Variants in NELL1 observed in about 807,000 individuals in gnomAD.
NELL1 encodes protein kinase C-binding protein NELL1.
Under a neutral mutation model 107.4 loss-of-function variants are expected in NELL1, and 76 were observed. That is an observed-to-expected ratio of 0.71 (90% confidence interval 0.59 to 0.86). The LOEUF is 0.86. Among genes scored for constraint, NELL1 ranks in the 40% least tolerant of loss-of-function variants. The pLI is 0.00. For missense variants in NELL1, 1,024 were observed against 1,005.5 expected, an observed-to-expected ratio of 1.02 and a Z score of -0.25; for synonymous variants, 353 against 341.2, an observed-to-expected ratio of 1.03 and a Z score of -0.38.
intron 15 of NELL1, among the ~76,000 whole-genome samples, chr11:21,439,792 G>A (rs550358272): frequency 6.6e-6 from 1 of 152,102 alleles, no homozygotes; most frequent in East Asian, 1.9e-4. Context: ...AATTTTACTA[G>A]ATCTTATCTT....
chr11:20,679,084 T>C (rs1168791123), intron 2 of NELL1, among the ~76,000 whole-genome samples: 3 of 152,192 alleles, frequency 2.0e-5, no homozygotes, highest in Non-Finnish European at 4.4e-5. Context: ...CTAGGTTACA[T>C]GGGACCCTGT....
chr11:21,470,588 A>C (rs1013910774), intron 15 of NELL1, among the ~76,000 whole-genome samples: 1 of 152,098 alleles, frequency 6.6e-6, no homozygotes, highest in Non-Finnish European at 1.5e-5. Context: ...CTGTATGTTC[A>C]CTTGGTAGTC....
intron 12 of NELL1, among the ~76,000 whole-genome samples, chr11:21,029,517 TCA>T (rs1367066321): frequency 1.3e-5 from 2 of 152,120 alleles, no homozygotes; most frequent in Non-Finnish European, 2.9e-5. Flanking sequence ...ATCACTGTGA[TCA>T]CACAAATGCA....
chr11:21,124,546 T>G (rs1174503568), intron 13 of NELL1, among the ~76,000 whole-genome samples: 1 of 151,748 alleles, frequency 6.6e-6, no homozygotes, highest in African/African-American at 2.4e-5. Context: ...GCTAAGAATT[T>G]CAAGATCAAG....
At chr11:20,901,541 T>C (rs1169101079) in intron 5 of NELL1, among the ~76,000 whole-genome samples, 1 of 140,670 alleles carries the variant, frequency 7.1e-6, no homozygotes, top group Non-Finnish European at 1.5e-5. Context: ...TCAATGAACT[T>C]GTAATCAGTT....
intron 2 of NELL1, chr11:20,769,381 G>A (rs1006665339): frequency 6.6e-6 from 1 of 152,264 alleles, no homozygotes; most frequent in African/African-American, 2.4e-5. Context: ...GACTGTTTGG[G>A]AAGTTACCAA....
In NELL1 at chr11:20,669,587, C is replaced by T. The variant is rs1280081452; in HGVS notation, c.-137C>T. On this transcript the variant is annotated 5_prime_UTR_variant, in exon 1 of 20. Transcript: ENST00000357134. The surrounding 1 kb of genome is among the most constrained non-coding windows in gnomAD (Gnocchi z 4.4). ...CCCGGGCGCATATGCGAGCGCAGCA[C>T]CCGGCGCTGCCGAGCCACCTCCCCC... 8 of 638,338 alleles carry T rather than the reference C, an allele frequency of 1.3e-5. No homozygotes were observed. Among genetic ancestry groups the T allele is most frequent in the Non-Finnish European group, 1.9e-5 (7 of 365,956 alleles). 39.5% of individuals were successfully genotyped at this position (638,338 alleles called of 1,614,324 possible).
chr11:21,156,844 G>C (rs191683468), intron 13 of NELL1, among the ~76,000 whole-genome samples: 305 of 151,796 alleles, frequency 2.0e-3, no homozygotes, highest in African/African-American at 7.1e-3. Flanking sequence ...TGTAACCCCA[G>C]CACTTTGAGA....
At chr11:20,781,244 T>C (rs984230208) in intron 2 of NELL1, among the ~76,000 whole-genome samples, 18 of 152,152 alleles carry the variant, frequency 1.2e-4, no homozygotes, top group African/African-American at 3.4e-4. Context: ...TCAAGGGCAA[T>C]TTCTAGTTTT....
chr11:20,847,844 C>T (rs1047091581), intron 4 of NELL1, 91 bp downstream of exon 4: 1 of 1,380,154 alleles, frequency 7.2e-7, no homozygotes. Context: ...CAAGACTTGC[C>T]AGGAAACAAA....
At chr11:21,495,266 T>A (rs1854947533) in intron 15 of NELL1, among the ~76,000 whole-genome samples, 2 of 152,128 alleles carry the variant, frequency 1.3e-5, no homozygotes, top group South Asian at 2.1e-4. Context: ...ATCTATGGCC[T>A]TTTGTGTCTG....
At chr11:21,050,280 T>C (rs986881056) in intron 12 of NELL1, among the ~76,000 whole-genome samples, 5 of 72,074 alleles carry the variant, frequency 6.9e-5, no homozygotes, top group Admixed American at 1.3e-4. Flanking sequence ...CGCCCCCCAC[T>C]TTTTTTTAAC....
chr11:21,289,055 A>G (rs1475263566), intron 14 of NELL1, among the ~76,000 whole-genome samples: 1 of 152,222 alleles, frequency 6.6e-6, no homozygotes, highest in South Asian at 2.1e-4. Flanking sequence ...AAATTAGGCA[A>G]TAATAGGGTA....
intron 2 of NELL1, among the ~76,000 whole-genome samples, chr11:20,687,824 C>T (rs1017240636): frequency 2.0e-5 from 3 of 152,032 alleles, no homozygotes; most frequent in African/African-American, 7.2e-5. Flanking sequence ...AACTCCTGAC[C>T]TCAACTGATC....
At chr11:21,072,946 C>T (rs996166383) in intron 12 of NELL1, among the ~76,000 whole-genome samples, 5 of 152,298 alleles carry the variant, frequency 3.3e-5, no homozygotes, top group Non-Finnish European at 7.4e-5. Flanking sequence ...ACACAACACG[C>T]AGAAATGTGT....
chr11:21,252,932 T>C (rs141080704), intron 14 of NELL1, among the ~76,000 whole-genome samples: 2 of 152,314 alleles, frequency 1.3e-5, no homozygotes, highest in African/African-American at 4.8e-5. Context: ...TAGTAATTCA[T>C]GGTCTTGGAG....
intron 2 of NELL1, among the ~76,000 whole-genome samples, chr11:20,749,088 A>T (rs1016215295): frequency 6.6e-6 from 1 of 150,514 alleles, no homozygotes; most frequent in African/African-American, 2.5e-5. Context: ...ATAGAAACAG[A>T]CGTTAAATGA....
intron 3 of NELL1, among the ~76,000 whole-genome samples, chr11:20,802,160 T>C (rs1387168865): frequency 1.3e-5 from 2 of 152,174 alleles, no homozygotes; most frequent in African/African-American, 4.8e-5. Context: ...ATTGAATTTG[T>C]AGATTGCTTT....
chr11:21,256,007 G>A (rs1292379255), intron 14 of NELL1, among the ~76,000 whole-genome samples: 2 of 151,752 alleles, frequency 1.3e-5, no homozygotes, highest in Admixed American at 6.6e-5. Context: ...TCTAACACTC[G>A]GTATATATAT....
Sources: allele counts gnomAD v4.1 joint callset (sites outside exome capture counted in the v4.1 genomes callset), GRCh38; gene constraint gnomAD v4.1.1; non-coding constraint Gnocchi (gnomAD v3.1); transcripts MANE v1.5; gene names NCBI Gene and HGNC (gene_info 2026-07-23, HGNC 2026-07-21).